The following ACTR3C variants were observed in gnomAD, a reference collection of about 807,000 sequenced individuals.
ACTR3C encodes actin-related protein 3C.
In ACTR3C, 18 loss-of-function variants were observed where a neutral mutation model predicts 26.3. The ratio of observed to expected loss-of-function variants is 0.68; its 90% confidence interval spans 0.47 to 1.01. The LOEUF (loss-of-function observed/expected upper bound fraction) is 1.01, where lower values mean the gene tolerates loss of function less well. Ranked by LOEUF, ACTR3C falls within the 50% of genes least tolerant of loss-of-function variation. The pLI, the probability that ACTR3C is intolerant of heterozygous loss-of-function variation, is 0.00. For synonymous variants in ACTR3C, 55 were observed against 94.5 expected (o/e 0.58, Z 2.42); for missense variants, 184 against 250.7 (o/e 0.73, Z 1.80).
the ACTR3C span, among the ~76,000 whole-genome samples, chr7:149,966,705 C>T: frequency 6.6e-6 from 1 of 152,158 alleles, no homozygotes; most frequent in East Asian, 1.9e-4. Context: ...TAAGGAACGA[C>T]CTTGAGGAAG....
the ACTR3C span, among the ~76,000 whole-genome samples, chr7:150,038,789 C>G: frequency 7.1e-6 from 1 of 141,754 alleles, no homozygotes; most frequent in Non-Finnish European, 1.5e-5. Context: ...GCTCTCAGTC[C>G]CCGCCTCGCG....
At chr7:150,183,934 T>C in the ACTR3C span, among the ~76,000 whole-genome samples, 1 of 150,356 alleles carries the variant, frequency 6.7e-6, no homozygotes, top group Non-Finnish European at 1.5e-5. Flanking sequence ...GTGTCTGATA[T>C]TTCCCCTACT....
the ACTR3C span, among the ~76,000 whole-genome samples, chr7:150,237,556 C>A: frequency 6.6e-6 from 1 of 152,146 alleles, no homozygotes; most frequent in Non-Finnish European, 1.5e-5. Context: ...CTTCCCTTAC[C>A]TTCCATATCT....
the ACTR3C span, among the ~76,000 whole-genome samples, chr7:150,118,215 C>A: frequency 6.6e-6 from 1 of 151,998 alleles, no homozygotes. Context: ...AGCAAGGGAA[C>A]AAAACCGGAT....
chr7:150,144,964 T>G, the ACTR3C span, among the ~76,000 whole-genome samples: 66 of 150,248 alleles, frequency 4.4e-4, no homozygotes, highest in African/African-American at 1.1e-3. The surrounding 1 kb of genome is among the most constrained non-coding windows in gnomAD (Gnocchi z 4.6). Context: ...GCAGGAGAAT[T>G]GCGTGAAGTT....
At chr7:150,299,000 A>G (rs1343438813) in intron 1 of ACTR3C, among the ~76,000 whole-genome samples, 2 of 60,818 alleles carry the variant, frequency 3.3e-5, no homozygotes, top group Non-Finnish European at 5.7e-5. Flanking sequence ...TTTTTTTTTG[A>G]GACAGAGTCT....
At chr7:150,207,402 G>T in the ACTR3C span, among the ~76,000 whole-genome samples, 1 of 152,204 alleles carries the variant, frequency 6.6e-6, no homozygotes. Context: ...TAATAGCAAG[G>T]AGTCCAATGC....
At chr7:150,076,946 C>T in the ACTR3C span, among the ~76,000 whole-genome samples, 3 of 152,136 alleles carry the variant, frequency 2.0e-5, no homozygotes, top group African/African-American at 7.2e-5. Context: ...GAGCGAATCA[C>T]CTGAGATCAG....
the ACTR3C span, among the ~76,000 whole-genome samples, chr7:149,911,825 G>A: frequency 2.0e-5 from 3 of 152,014 alleles, no homozygotes; most frequent in African/African-American, 4.8e-5. Context: ...TCAAATCCCA[G>A]CCCCACTATT....
At chr7:150,094,055 C>A in the ACTR3C span, among the ~76,000 whole-genome samples, 1 of 150,500 alleles carries the variant, frequency 6.6e-6, no homozygotes, top group African/African-American at 2.5e-5. Flanking sequence ...CAGAGACCCA[C>A]CAGCTGTCCG....
At chr7:150,023,181 C>A in the ACTR3C span, among the ~76,000 whole-genome samples, 2 of 146,442 alleles carry the variant, frequency 1.4e-5, no homozygotes, top group African/African-American at 2.5e-5. Flanking sequence ...ATATAGATAT[C>A]TCTCTATATA....
intron 1 of ACTR3C, among the ~76,000 whole-genome samples, chr7:150,309,445 C>A (rs912969123): frequency 6.6e-6 from 1 of 152,200 alleles, no homozygotes; most frequent in Non-Finnish European, 1.5e-5. Context: ...AATTAATCAA[C>A]CTCGCCTTCA....
chr7:150,201,960 A>G, the ACTR3C span, among the ~76,000 whole-genome samples: 1 of 152,208 alleles, frequency 6.6e-6, no homozygotes. Flanking sequence ...GCCTCACAGC[A>G]TCACTTGGAT....
At chr7:150,309,491 C>T (rs1169030816) in intron 1 of ACTR3C, among the ~76,000 whole-genome samples, 3 of 152,214 alleles carry the variant, frequency 2.0e-5, no homozygotes, top group Admixed American at 6.5e-5. Context: ...CAAGCGGCAA[C>T]GCATTTCAGA....
chr7:150,038,910 C>G, the ACTR3C span, among the ~76,000 whole-genome samples: 12 of 96,472 alleles, frequency 1.2e-4, no homozygotes, highest in Admixed American at 2.2e-4. Context: ...GATGGGGGTA[C>G]TAACAGCCAG....
At chr7:150,118,400 G>A in the ACTR3C span, among the ~76,000 whole-genome samples, 3 of 151,724 alleles carry the variant, frequency 2.0e-5, no homozygotes, top group Non-Finnish European at 2.9e-5. Context: ...ATGACCTGAT[G>A]GAGCTGAAAA....
the ACTR3C span, among the ~76,000 whole-genome samples, chr7:150,134,243 A>AC: frequency 6.6e-6 from 1 of 151,800 alleles, no homozygotes; most frequent in Non-Finnish European, 1.5e-5. Flanking sequence ...AAAAAAAAAA[A>AC]AAAAAGCCAA....
At chr7:150,196,484 T>C in the ACTR3C span, among the ~76,000 whole-genome samples, 1 of 152,250 alleles carries the variant, frequency 6.6e-6, no homozygotes, top group Non-Finnish European at 1.5e-5. Context: ...CATTTGATCC[T>C]ACATGCTGTT....
At chr7:150,120,133 G>A in the ACTR3C span, among the ~76,000 whole-genome samples, 1 of 152,166 alleles carries the variant, frequency 6.6e-6, no homozygotes, top group Non-Finnish European at 1.5e-5. Context: ...GAGAAAGCAA[G>A]AAAGGTCTAA....
Sources: allele counts gnomAD v4.1 joint callset (sites outside exome capture counted in the v4.1 genomes callset), GRCh38; gene constraint gnomAD v4.1.1; non-coding constraint Gnocchi (gnomAD v3.1); transcripts MANE v1.5; gene names NCBI Gene and HGNC (gene_info 2026-07-23, HGNC 2026-07-21).